Variants in TTC28 observed in about 807,000 individuals in gnomAD.
TTC28 encodes tetratricopeptide repeat domain 28, also known as tetratricopeptide repeat protein 28.
In TTC28, 61 loss-of-function variants were observed where a neutral mutation model predicts 198.0. The ratio of observed to expected loss-of-function variants is 0.31; its 90% CI spans 0.25 to 0.38. The LOEUF (loss-of-function observed/expected upper bound fraction) is 0.38. Among genes scored for constraint, TTC28 ranks in the 10% least tolerant of loss-of-function variants. The probability of loss-of-function intolerance (pLI) is 1.00; values close to 1 mark genes in which losing one functional copy is unlikely to be tolerated. For synonymous variants in TTC28, 1,171 were observed against 1,297.8 expected (o/e 0.90, Z 2.10); for missense variants, 2,678 against 3,164.0 (o/e 0.85, Z 3.69).
intron 5 of TTC28, among the ~76,000 whole-genome samples, chr22:28,287,775 T>C (rs2044712014): frequency 6.6e-6 from 1 of 152,172 alleles, no homozygotes; most frequent in Non-Finnish European, 1.5e-5. Context: ...TTTCTGATGA[T>C]GTAATTCATG....
intron 2 of TTC28, among the ~76,000 whole-genome samples, chr22:28,318,073 AT>A (rs35011623): frequency 4.9e-3 from 679 of 139,718 alleles, no homozygotes; most frequent in Admixed American, 9.4e-3. Context: ...CAGCTAATTA[AT>A]TTTTTTTTTT....
intron 5 of TTC28, among the ~76,000 whole-genome samples, chr22:28,226,784 A>G (rs538874250): frequency 1.3e-5 from 2 of 152,302 alleles, no homozygotes; most frequent in South Asian, 2.1e-4. Context: ...TTGACCAAGT[A>G]TCTGTTCAAC....
intron 13 of TTC28, among the ~76,000 whole-genome samples, chr22:28,029,673 T>G (rs1254963121): frequency 6.6e-6 from 1 of 152,102 alleles, no homozygotes; most frequent in African/African-American, 2.4e-5. Flanking sequence ...TCAAACTCGA[T>G]TCATCTTAAA....
intron 2 of TTC28, among the ~76,000 whole-genome samples, chr22:28,472,583 TG>T: frequency 6.6e-6 from 1 of 151,818 alleles, no homozygotes; most frequent in Non-Finnish European, 1.5e-5. Context: ...TGTGTGTGTG[TG>T]TGTGTGTGTA....
rs866865113 is a variant in TTC28, at chr22:28,087,830, C to T, written c.3932+6250G>A. ...TCAGCAAAGTCTCAGGATACAAAAT[C>T]AAGGTACAAAAATCACAAGCATTCT... On this transcript the variant is annotated intron_variant, in intron 12 of 22. Transcript: ENST00000397906. 9.9e-4 allele frequency among the ~76,000 whole-genome samples: 151 copies of T among 152,226 alleles called. 1 individual carries two copies. The highest frequency in any genetic ancestry group is 2.4e-3 in the Admixed American group (37 of 15,286).
intron 5 of TTC28, among the ~76,000 whole-genome samples, chr22:28,209,889 T>C (rs1926766416): frequency 1.3e-5 from 2 of 152,100 alleles, no homozygotes; most frequent in South Asian, 4.1e-4. Flanking sequence ...CACCTCCCAG[T>C]AGGGGCCGAC....
intron 3 of TTC28, chr22:28,303,613 G>C (rs1266810137): frequency 1.3e-5 from 2 of 152,104 alleles, no homozygotes; most frequent in Non-Finnish European, 2.9e-5. Context: ...AATTTAGGTT[G>C]TCCCTGCCTT....
chr22:28,282,301 T>C (rs897425360), intron 5 of TTC28, among the ~76,000 whole-genome samples: 1 of 152,228 alleles, frequency 6.6e-6, no homozygotes, highest in East Asian at 1.9e-4. Context: ...GATCCTAATA[T>C]AAATAGCATA....
chr22:28,143,138 A>C lies in TTC28; in HGVS notation c.1441+19954T>G, dbSNP rs1042501518. Among the ~76,000 whole-genome samples the C allele has an allele frequency of 2.6e-5, 4 of 152,198 alleles. No individual in the cohort carries two copies. In the South Asian group the frequency reaches 8.3e-4, roughly 31 times the overall value. On this transcript the variant is annotated intron_variant, in intron 6 of 22. Coordinates refer to ENST00000397906, the MANE Select transcript of TTC28 (RefSeq NM_001145418.2). ...AATGGCAGAGCTGGGACTAAAACCC[A>C]CATCTCTTGACTCCCAAGATAAGAA... is the stretch of plus-strand genomic sequence containing the variant.
chr22:28,542,852 A>G (rs1467599080), intron 2 of TTC28, among the ~76,000 whole-genome samples: 1 of 152,206 alleles, frequency 6.6e-6, no homozygotes, highest in East Asian at 1.9e-4. Context: ...AATCAATGAT[A>G]GAAAAACAAA....
chr22:28,480,243 T>C (rs2048226173), intron 2 of TTC28, among the ~76,000 whole-genome samples: 1 of 152,212 alleles, frequency 6.6e-6, no homozygotes, highest in Non-Finnish European at 1.5e-5. Flanking sequence ...TTTGCAAACA[T>C]ATCCAACATT....
chr22:28,326,441 A>G (rs560026783), intron 2 of TTC28, among the ~76,000 whole-genome samples: 2 of 152,248 alleles, frequency 1.3e-5, no homozygotes, highest in African/African-American at 4.8e-5. Context: ...TTGAGTAAAT[A>G]GTGGTAACGA....
intron 5 of TTC28, among the ~76,000 whole-genome samples, chr22:28,187,053 C>T (rs1391311457): frequency 6.6e-6 from 1 of 152,116 alleles, no homozygotes; most frequent in African/African-American, 2.4e-5. Flanking sequence ...GTAAATAAAT[C>T]AGTTTTGTTT....
chr22:28,306,155 T>A (rs1456027043), intron 3 of TTC28, among the ~76,000 whole-genome samples: 1 of 152,174 alleles, frequency 6.6e-6, no homozygotes, highest in African/African-American at 2.4e-5. Context: ...TGGTTTAGAA[T>A]TACAGAATTT....
rs1370077652 is a variant in TTC28 at position 27,989,914 on chromosome 22, G to A, written c.5671C>T (p.Arg1891Trp). Residue 1891 changes from arginine (R) to tryptophan (W), a missense_variant, in exon 21 of 23, where the codon CGG becomes TGG. Transcript: ENST00000397906. ...AGGAACTCGTGGCATCCCGGGAGCC[G>A]CCACAGCTGGACGCTGATGGAGACC... ...IQVSISVQLW[R>W]LPGCHEFLAA... 7 of 1,551,180 alleles carry A rather than the reference G, an allele frequency of 4.5e-6. No individual in the cohort carries two copies. In the African/African-American group the frequency reaches 5.5e-5, roughly 12 times the overall value.
chr22:28,194,492 G>C (rs1325492030), intron 5 of TTC28, among the ~76,000 whole-genome samples: 2 of 152,054 alleles, frequency 1.3e-5, no homozygotes, highest in Non-Finnish European at 2.9e-5. Flanking sequence ...AGGAATCCAG[G>C]AGCTGGTTTT....
At chr22:28,301,930 A>C (rs1241214975) in intron 3 of TTC28, among the ~76,000 whole-genome samples, 2 of 151,958 alleles carry the variant, frequency 1.3e-5, no homozygotes, top group African/African-American at 2.4e-5. Context: ...CCAGCTACTC[A>C]GGAGGCTGAG....
chr22:28,556,564 AT>A (rs1689062721), intron 2 of TTC28, among the ~76,000 whole-genome samples: 1 of 152,016 alleles, frequency 6.6e-6, no homozygotes, highest in African/African-American at 2.4e-5. Flanking sequence ...GATTTTTCTC[AT>A]TGTCTTTGAT....
intron 5 of TTC28, among the ~76,000 whole-genome samples, chr22:28,209,577 C>A (rs567195656): frequency 2.3e-4 from 35 of 152,272 alleles, no homozygotes; most frequent in African/African-American, 8.4e-4. Flanking sequence ...AAGGCAGCAG[C>A]GAGGCTGGGG....
Sources: gnomAD v4.1 joint callset for allele counts (sites outside exome capture counted in the v4.1 genomes callset) on GRCh38, gnomAD v4.1.1 for gene constraint, MANE v1.5 for transcripts, NCBI Gene and HGNC (gene_info 2026-07-23, HGNC 2026-07-21) for gene names.